RRP15: variants seen among roughly 807,000 people sequenced by gnomAD.
The protein encoded by RRP15 is RRP15-like protein.
A neutral mutation model predicts 27.1 loss-of-function variants in RRP15; 18 were observed. The ratio of observed to expected loss-of-function variants is 0.66; its 90% confidence interval spans 0.46 to 0.98. The LOEUF is 0.98. Among genes scored for constraint, RRP15 ranks in the 50% least tolerant of loss-of-function variants. The probability of loss-of-function intolerance (pLI) is 0.00; values close to 1 mark genes in which losing one functional copy is unlikely to be tolerated. For synonymous variants in RRP15, 107 were observed against 109.4 expected, an observed-to-expected ratio of 0.98 and a Z score of 0.14; for missense variants, 359 against 337.8, an observed-to-expected ratio of 1.06 and a Z score of -0.49.
chr1:218,328,853 T>A (rs1282730630), intron 4 of RRP15, among the ~76,000 whole-genome samples: 1 of 152,078 alleles, frequency 6.6e-6, no homozygotes, highest in Non-Finnish European at 1.5e-5. Flanking sequence ...GTGTGCTCTT[T>A]CGGTAACGTG....
chr1:218,313,504 T>G (rs978878190), intron 4 of RRP15, among the ~76,000 whole-genome samples: 1 of 152,174 alleles, frequency 6.6e-6, no homozygotes, highest in Non-Finnish European at 1.5e-5. Flanking sequence ...ATGGAACATG[T>G]CTGAGAGGTA....
intron 3 of RRP15, 135 bp from the exon 4 acceptor site, chr1:218,307,296 C>A: frequency 1.6e-6 from 1 of 644,176 alleles, no homozygotes; most frequent in Non-Finnish European, 2.6e-6. Flanking sequence ...AACCACTTAT[C>A]CCGTTCTTTC....
At chr1:218,308,062 C>CTT (rs56813511) in intron 4 of RRP15, among the ~76,000 whole-genome samples, 892 of 66,854 alleles carry the variant, frequency 0.013, 71 homozygotes, top group African/African-American at 0.016. Flanking sequence ...TTCTTTCTTT[C>CTT]TTTTTTTTTT....
intron 4 of RRP15, among the ~76,000 whole-genome samples, chr1:218,315,478 A>C (rs1488796633): frequency 6.6e-6 from 1 of 152,078 alleles, no homozygotes; most frequent in East Asian, 1.9e-4. Context: ...CCCAGGTGGG[A>C]GTGCAGTGTC....
intron 1 of RRP15, among the ~76,000 whole-genome samples, chr1:218,288,604 A>G (rs1655586848): frequency 6.6e-6 from 1 of 152,226 alleles, no homozygotes; most frequent in Non-Finnish European, 1.5e-5. Flanking sequence ...ACAATTATTG[A>G]AGTTTGATTG....
intron 4 of RRP15, among the ~76,000 whole-genome samples, chr1:218,323,717 C>G (rs1214103767): frequency 2.0e-5 from 3 of 152,194 alleles, no homozygotes; most frequent in African/African-American, 7.2e-5. Context: ...AGCCCCACCT[C>G]GGCCTCCCTC....
intron 1 of RRP15, among the ~76,000 whole-genome samples, chr1:218,293,139 C>T (rs1655671651): frequency 6.6e-6 from 1 of 151,826 alleles, no homozygotes; most frequent in Non-Finnish European, 1.5e-5. Context: ...AATCCTCCTG[C>T]CTCAGCCTTT....
At chr1:218,313,891 A>G (rs1656039455) in intron 4 of RRP15, among the ~76,000 whole-genome samples, 1 of 152,220 alleles carries the variant, frequency 6.6e-6, no homozygotes, top group Non-Finnish European at 1.5e-5. Flanking sequence ...TCTTCGATCA[A>G]ATACAGGAAG....
intron 4 of RRP15, among the ~76,000 whole-genome samples, chr1:218,330,421 T>A (rs1656347164): frequency 6.6e-6 from 1 of 152,202 alleles, no homozygotes; most frequent in Admixed American, 6.5e-5. Flanking sequence ...AAAGAACATT[T>A]GGTTCAAATT....
In RRP15 at chr1:218,322,512, C is replaced by CT. The variant is rs988276539; in HGVS notation, c.706-8424dup. 6.9e-3 allele frequency among the ~76,000 whole-genome samples: 962 copies of CT among 139,554 alleles called. 9 individuals carry two copies. The highest frequency in any genetic ancestry group is 0.029 in the East Asian group (137 of 4,802). The allele number at this position is 139,554 out of a possible 152,430, so 91.6% of individuals were successfully genotyped here. A position where few individuals can be genotyped will look rare whatever the true frequency, so the allele number is the denominator to read the frequency against. ...GATTTGTGGAAATGGTTTAGGTGTA[C>CT]TTTTTTTTTTTTCTGTTTCTTGCTG... On this transcript the variant is annotated intron_variant, in intron 4 of 4. Transcript: ENST00000366932.
At position 218,331,611 on chromosome 1, in the gene RRP15, G is replaced by A. The variant is rs1656369915; in HGVS notation, c.*520G>A. 7.4e-6 allele frequency: 1 copy of A among 134,768 alleles called. No individual in the cohort carries two copies. Among genetic ancestry groups the A allele is most frequent in the Non-Finnish European group, 1.6e-5 (1 of 63,806 alleles). The allele number at this position is 134,768 out of a possible 1,614,324, so 8.3% of individuals were successfully genotyped here. Reference sequence around the variant, plus strand: ...TTTTGGGTCGTGATTTTAGTTTTAGGTAATCTGGAAGATATGATTTAAGAA... The same window carrying A: ...TTTTGGGTCGTGATTTTAGTTTTAGATAATCTGGAAGATATGATTTAAGAA... On this transcript the variant is annotated 3_prime_UTR_variant, in exon 5 of 5. Coordinates refer to ENST00000366932, the MANE Select transcript of RRP15 (RefSeq NM_016052.4).
chr1:218,328,322 T>A (rs1440484564), intron 4 of RRP15, among the ~76,000 whole-genome samples: 1 of 152,224 alleles, frequency 6.6e-6, no homozygotes, highest in Non-Finnish European at 1.5e-5. Flanking sequence ...ATTAGTGAAT[T>A]CCTTCCTTTG....
At position 218,331,181 on chromosome 1, in the gene RRP15, T is replaced by C; in HGVS notation, c.*90T>C. Reference sequence around the variant, plus strand: ...AGTTGGGGAATTATAAGGATACCATTTGTAAGAAAGCCAAAAGACTTTTGC... The same window carrying C: ...AGTTGGGGAATTATAAGGATACCATCTGTAAGAAAGCCAAAAGACTTTTGC... On this transcript the variant is annotated 3_prime_UTR_variant, in exon 5 of 5. Transcript: ENST00000366932. The C allele has an allele frequency of 7.8e-7, 1 of 1,275,000 alleles. No individual in the cohort carries two copies. Among genetic ancestry groups the C allele is most frequent in the Non-Finnish European group, 1.1e-6 (1 of 942,836 alleles). The allele number at this position is 1,275,000 out of a possible 1,614,324, so 79.0% of individuals were successfully genotyped here.
chr1:218,311,024 C>T (rs755760441), intron 4 of RRP15, among the ~76,000 whole-genome samples: 1 of 152,234 alleles, frequency 6.6e-6, no homozygotes, highest in Non-Finnish European at 1.5e-5. Flanking sequence ...GCTGGGATTA[C>T]AGGCATGACC....
intron 4 of RRP15, among the ~76,000 whole-genome samples, chr1:218,330,090 C>T (rs937330750): frequency 7.2e-5 from 11 of 152,040 alleles, no homozygotes; most frequent in African/African-American, 2.4e-4. Flanking sequence ...CTGTTAGCCC[C>T]CTGAAAACAG....
chr1:218,312,085 A>G (rs895610671), intron 4 of RRP15, among the ~76,000 whole-genome samples: 9 of 152,190 alleles, frequency 5.9e-5, no homozygotes, highest in African/African-American at 2.2e-4. Flanking sequence ...TGAAGCCCCA[A>G]GAGGGAGTGA....
At chr1:218,289,703 A>G (rs1357021894) in intron 1 of RRP15, among the ~76,000 whole-genome samples, 1 of 151,892 alleles carries the variant, frequency 6.6e-6, no homozygotes, top group Non-Finnish European at 1.5e-5. Flanking sequence ...CTTTTTTGAG[A>G]TGGAGTTTTG....
At chr1:218,301,983 CA>C (rs2102497799) in intron 1 of RRP15, 2 of 290,640 alleles carry the variant, frequency 6.9e-6, no homozygotes, top group South Asian at 1.8e-4. Context: ...AACTCCATGC[CA>C]ACATCTGTCA....
intron 4 of RRP15, among the ~76,000 whole-genome samples, chr1:218,308,097 A>AGTCTTGC (rs1458617888): frequency 1.4e-5 from 1 of 70,810 alleles, no homozygotes; most frequent in African/African-American, 5.1e-5. Flanking sequence ...TTTTTGATGG[A>AGTCTTGC]GTCTTGCTCC....
Sources: gnomAD v4.1 joint callset for allele counts (sites outside exome capture counted in the v4.1 genomes callset) on GRCh38, gnomAD v4.1.1 for gene constraint, MANE v1.5 for transcripts, NCBI Gene and HGNC (gene_info 2026-07-23, HGNC 2026-07-21) for gene names.